Variants in NCAM1 observed in about 807,000 individuals in gnomAD.
The protein encoded by NCAM1 is antigen recognized by monoclonal antibody 5.1H11.
Under a neutral mutation model 109.8 loss-of-function variants are expected in NCAM1, and 14 were observed. That is an observed-to-expected ratio of 0.13 (90% CI 0.08 to 0.20). The LOEUF is 0.20. Among genes scored for constraint, NCAM1 ranks in the 10% least tolerant of loss-of-function variants. The pLI is 1.00. For synonymous variants in NCAM1, 418 were observed against 442.9 expected (o/e 0.94, Z 0.70); for missense variants, 774 against 1,109.9 (o/e 0.70, Z 4.30).
chr11:113,108,356 T>A (rs1246465073), intron 1 of NCAM1, among the ~76,000 whole-genome samples: 1 of 152,192 alleles, frequency 6.6e-6, no homozygotes, highest in Non-Finnish European at 1.5e-5. Flanking sequence ...AACTTTTAAA[T>A]TTTTGAAACT....
intron 1 of NCAM1, among the ~76,000 whole-genome samples, chr11:113,170,277 G>A (rs1205345608): frequency 1.3e-5 from 2 of 152,166 alleles, no homozygotes; most frequent in Admixed American, 6.5e-5. Context: ...TTCCCAATAA[G>A]GGTCACAGCA....
intron 1 of NCAM1, among the ~76,000 whole-genome samples, chr11:113,027,977 T>C (rs111842605): frequency 1.8e-3 from 280 of 152,248 alleles, no homozygotes; most frequent in South Asian, 8.3e-3. Flanking sequence ...TTCACTCATA[T>C]GTAGAATCTA....
At chr11:113,064,971 G>T (rs1334984919) in intron 1 of NCAM1, among the ~76,000 whole-genome samples, 1 of 152,170 alleles carries the variant, frequency 6.6e-6, no homozygotes, top group African/African-American at 2.4e-5. Flanking sequence ...TACTCTAGTA[G>T]CAACAAGCAC....
At chr11:113,137,307 A>G (rs1941636731) in intron 1 of NCAM1, among the ~76,000 whole-genome samples, 1 of 152,272 alleles carries the variant, frequency 6.6e-6, no homozygotes, top group African/African-American at 2.4e-5. Flanking sequence ...TGACCATTAA[A>G]AGAAGACAGT....
intron 17 of NCAM1, among the ~76,000 whole-genome samples, chr11:113,267,577 G>C (rs1946159658): frequency 6.6e-6 from 1 of 152,194 alleles, no homozygotes; most frequent in African/African-American, 2.4e-5. Flanking sequence ...TGTTCAGCAG[G>C]CAGAAGGGAG....
At chr11:113,106,602 G>T (rs1194601711) in intron 1 of NCAM1, among the ~76,000 whole-genome samples, 1 of 152,152 alleles carries the variant, frequency 6.6e-6, no homozygotes, top group African/African-American at 2.4e-5. Flanking sequence ...AGATCAGGTG[G>T]CCTATAAGAT....
At position 113,169,814 on chromosome 11, in the gene NCAM1, A is replaced by T. The variant is rs571006364; in HGVS notation, c.53-32565A>T. ...CCTAATTTTTGTACTTTTAGTAAAGACGGGGTTTCGCCATGTTGGTCAGGC... is the reference window on the plus strand; with the variant it reads ...CCTAATTTTTGTACTTTTAGTAAAGTCGGGGTTTCGCCATGTTGGTCAGGC... On this transcript the variant is annotated intron_variant, in intron 1 of 19. Transcript: ENST00000316851. 3.3e-5 allele frequency among the ~76,000 whole-genome samples: 5 copies of T among 152,108 alleles called. No individual in the cohort carries two copies. In the East Asian group the frequency reaches 9.7e-4, roughly 29 times the overall value.
intron 1 of NCAM1, among the ~76,000 whole-genome samples, chr11:112,988,713 C>T (rs1445753205): frequency 2.7e-5 from 4 of 148,838 alleles, no homozygotes; most frequent in African/African-American, 9.8e-5. Flanking sequence ...TCTTTTGCTG[C>T]TTTCAACATT....
At chr11:112,974,748 T>C (rs1950963653) in intron 1 of NCAM1, among the ~76,000 whole-genome samples, 1 of 151,914 alleles carries the variant, frequency 6.6e-6, no homozygotes, top group Non-Finnish European at 1.5e-5. Flanking sequence ...TTGAGCCTTC[T>C]GCTGAGGTGA....
rs782257757 is a variant in NCAM1, at chr11:113,276,699, G to A, written c.*1312G>A. On this transcript the variant is annotated 3_prime_UTR_variant, in exon 20 of 20. Transcript: ENST00000316851. ...AAATCTGTTGAAGTAAAGTAACATC[G>A]GCCTTCTGTTCACTTAGGCAGCATT... The A allele has an allele frequency of 1.1e-4, 16 of 152,310 alleles. No individual in the cohort carries two copies. Among genetic ancestry groups the A allele is most frequent in the African/African-American group, 1.2e-4 (5 of 41,300 alleles). 9.4% of individuals were successfully genotyped at this position (152,310 alleles called of 1,614,324 possible).
chr11:112,982,456 G>A (rs1951178441), intron 1 of NCAM1, among the ~76,000 whole-genome samples: 1 of 151,912 alleles, frequency 6.6e-6, no homozygotes, highest in Non-Finnish European at 1.5e-5. Flanking sequence ...CTTGATGGGA[G>A]CATGTTTTGG....
chr11:113,242,441 C>G (rs1555119304), intron 14 of NCAM1, among the ~76,000 whole-genome samples: 1 of 152,044 alleles, frequency 6.6e-6, no homozygotes, highest in African/African-American at 2.4e-5. Context: ...GCAACCTTGT[C>G]TCTACTAAAA....
chr11:113,094,402 C>T (rs1939498369), intron 1 of NCAM1, among the ~76,000 whole-genome samples: 1 of 152,160 alleles, frequency 6.6e-6, no homozygotes, highest in East Asian at 1.9e-4. Context: ...CTTTGTACAC[C>T]TTCACATAGC....
At chr11:113,207,441 C>A in intron 6 of NCAM1, 63 bp downstream of exon 6, 2 of 1,368,272 alleles carry the variant, frequency 1.5e-6, no homozygotes, top group Non-Finnish European at 2.1e-6. Flanking sequence ...ACAAAGTCTG[C>A]TCCATGTTAG....
chr11:113,134,168 C>T lies in NCAM1; in HGVS notation c.53-68211C>T, dbSNP rs185110263. On this transcript the variant is annotated intron_variant, in intron 1 of 19. Coordinates refer to ENST00000316851, the MANE Select transcript of NCAM1 (RefSeq NM_181351.5). ...TTTCCACCTCAGGCCCTGGCAAACA[C>T]TCTTCTACTTTCTGTTTGTAAGAAT... is the stretch of plus-strand genomic sequence containing the variant. Among the ~76,000 whole-genome samples, 82 of 152,280 alleles carry T rather than the reference C, an allele frequency of 5.4e-4. 1 individual carries two copies. Among genetic ancestry groups the T allele is most frequent in the Non-Finnish European group, 8.8e-4 (60 of 68,018 alleles).
intron 1 of NCAM1, among the ~76,000 whole-genome samples, chr11:113,124,220 G>A (rs1555096625): frequency 6.6e-6 from 1 of 152,230 alleles, no homozygotes; most frequent in Non-Finnish European, 1.5e-5. Context: ...AGACTGAGAA[G>A]GAGGAAGGAG....
Position 113,204,286 on chromosome 11 carries a change from T to G in NCAM1, c.128T>G (p.Val43Gly). Residue 43 changes from valine to glycine, a missense_variant and splice_region_variant, in exon 3 of 20, where the codon GTG becomes GGG. By Grantham distance (109) the Val-to-Gly change is moderately radical. Transcript: ENST00000316851. ...VGESKFFLCQ[V>G]AGDAKDKDIS... ...TTAAAAATAATCTCTTCCTCTTTAGTGGCAGGAGATGCCAAAGATAAAGAC... is the reference window on the plus strand; with the variant it reads ...TTAAAAATAATCTCTTCCTCTTTAGGGGCAGGAGATGCCAAAGATAAAGAC... 6.2e-7 allele frequency: 1 copy of G among 1,607,476 alleles called. No individual in the cohort carries two copies. Among genetic ancestry groups the G allele is most frequent in the Non-Finnish European group, 8.5e-7 (1 of 1,176,838 alleles).
At chr11:113,197,816 TG>T (rs1175811595) in intron 1 of NCAM1, among the ~76,000 whole-genome samples, 10 of 152,250 alleles carry the variant, frequency 6.6e-5, no homozygotes, top group Admixed American at 6.5e-4. Flanking sequence ...AACTCTTTTT[TG>T]AAATCAGAAC....
At chr11:113,225,074 C>T (rs1388375490) in intron 9 of NCAM1, among the ~76,000 whole-genome samples, 1 of 152,214 alleles carries the variant, frequency 6.6e-6, no homozygotes, top group East Asian at 1.9e-4. Flanking sequence ...CGGAACAAAG[C>T]TGGATGGAGA....
Sources: gnomAD v4.1 joint callset for allele counts (sites outside exome capture counted in the v4.1 genomes callset) on GRCh38, gnomAD v4.1.1 for gene constraint, MANE v1.5 for transcripts, NCBI Gene and HGNC (gene_info 2026-07-23, HGNC 2026-07-21) for gene names.